The following KMT2D variants were observed in gnomAD, a reference collection of about 807,000 sequenced individuals.
KMT2D encodes lysine methyltransferase 2D.
Under a neutral mutation model 512.7 loss-of-function variants are expected in KMT2D, and 55 were observed. The observed-to-expected ratio is 0.11, with a 90% CI of 0.09 to 0.13. The LOEUF is 0.13. KMT2D is among the 10% of genes least tolerant of loss of function. The probability of loss-of-function intolerance (pLI) is 1.00; values close to 1 mark genes in which losing one functional copy is unlikely to be tolerated. For missense variants in KMT2D, 6,061 were observed against 7,127.9 expected, an observed-to-expected ratio of 0.85 and a Z score of 5.39; for synonymous variants, 2,995 against 2,904.0, an observed-to-expected ratio of 1.03 and a Z score of -1.01.
intron 9 of KMT2D, 36 bp from the exon 10 acceptor site, chr12:49,052,745 T>C: frequency 6.2e-7 from 1 of 1,606,222 alleles, no homozygotes; most frequent in Non-Finnish European, 8.5e-7. Context: ...ACTGTGGCTC[T>C]CACCAGCTAA....
In KMT2D at chr12:49,031,756, G is replaced by A. The variant is rs1942923513; in HGVS notation, c.12949C>T (p.Pro4317Ser). ...GAAGGTAATTGTGAAGGTCTCTTTG[G>A]CTCTTGAGGGCTGGATGGTGGAGGT... ...PTPPPSSPQEPKRPSQLPSPS... is the reference protein window; with the variant it reads ...PTPPPSSPQESKRPSQLPSPS... Residue 4317 changes from proline (P) to serine (S), a missense_variant, in exon 40 of 55, where the codon CCA becomes TCA. Around this residue, in one of 16 missense-constraint regions of KMT2D, gnomAD observed 1,600 missense variants for 1,754.9 expected, o/e 0.91. Transcript: ENST00000301067. 6.2e-7 allele frequency: 1 copy of A among 1,612,616 alleles called. No individual in the cohort carries two copies. Among genetic ancestry groups the A allele is most frequent in the African/African-American group, 1.3e-5 (1 of 74,886 alleles).
Position 49,034,645 on chromosome 12 carries a change from G to C in KMT2D, c.10377C>G (p.Ala3459=). 2 of 1,613,458 alleles carry C rather than the reference G, an allele frequency of 1.2e-6. No homozygotes were observed. Among genetic ancestry groups the C allele is most frequent in the Non-Finnish European group, 1.7e-6 (2 of 1,179,750 alleles). ...TGCTAGGTCCCCCCGAGAGCCTCTG[G>C]GCTAGCAGAGACACTTGCTGTCTGG... ...GMNRQQVSLL[A]QRLSGGPSSD... is the part of the protein sequence containing the mutation. Residue 3459 remains alanine, a synonymous_variant, in exon 37 of 55, where the codon GCC becomes GCG. Transcript: ENST00000301067.
chr12:49,034,620 T>C lies in KMT2D; in HGVS notation c.10402A>G (p.Ser3468Gly). 2 of 1,613,686 alleles carry C rather than the reference T, an allele frequency of 1.2e-6. No homozygotes were observed. The highest frequency in any genetic ancestry group is 2.2e-5 in the East Asian group (1 of 44,880). Residue 3468 changes from serine to glycine, a missense_variant, in exon 37 of 55, where the codon AGT becomes GGT. By Grantham distance (56) the Ser-to-Gly change is moderately conservative (BLOSUM62 0). Transcript: ENST00000301067. The stretch of plus-strand genomic sequence containing the variant: ...GCTGCCACATGGTTCTGCAGATCAC[T>C]GCTAGGTCCCCCCGAGAGCCTCTGG... ...LAQRLSGGPS[S>G]DLQNHVAAGS...
At position 49,027,337 on chromosome 12, in the gene KMT2D, C is replaced by A; in HGVS notation, c.14644-15G>T. 1 of 1,510,180 alleles carries A rather than the reference C, an allele frequency of 6.6e-7. No individual in the cohort carries two copies. The highest frequency in any genetic ancestry group is 8.8e-7 in the Non-Finnish European group (1 of 1,132,398). The allele number at this position is 1,510,180 out of a possible 1,614,324, so 93.5% of individuals were successfully genotyped here. On this transcript the variant is annotated splice_polypyrimidine_tract_variant and intron_variant, in intron 48 of 54. Coordinates refer to ENST00000301067, the MANE Select transcript of KMT2D (RefSeq NM_003482.4). ...GCGGGGCTCTCCTGTAGGAGGGTGC[C>A]CTGTATCATTAGTGCCAGCTCCTCA...
rs539033714 is a variant in KMT2D at position 49,055,914 on chromosome 12, C to A, written c.-37-553G>T. On this transcript the variant is annotated intron_variant, in intron 1 of 54. Coordinates refer to ENST00000301067, the MANE Select transcript of KMT2D (RefSeq NM_003482.4). Reference sequence around the variant, plus strand: ...CTAGCTATGGATGGATCTCCCCCACCGCCACTTGTTTCTACGAGGACATCA... The same window carrying A: ...CTAGCTATGGATGGATCTCCCCCACAGCCACTTGTTTCTACGAGGACATCA... Among the ~76,000 whole-genome samples the A allele has an allele frequency of 7.1e-4, 108 of 152,266 alleles. 4 individuals carry two copies. In the South Asian group the frequency reaches 0.021, roughly 30 times the overall value.
At chr12:49,055,796 T>C (rs1023649988) in intron 1 of KMT2D, among the ~76,000 whole-genome samples, 3 of 152,186 alleles carry the variant, frequency 2.0e-5, no homozygotes, top group African/African-American at 7.2e-5. Context: ...GGGGTAGTCA[T>C]GACCCAGGAA....
chr12:49,051,991 G>C lies in KMT2D; in HGVS notation c.1692C>G (p.Ser564=), dbSNP rs751430781. The C allele has an allele frequency of 1.2e-6, 2 of 1,613,384 alleles. No homozygotes were observed. The highest frequency in any genetic ancestry group is 3.3e-5 in the Admixed American group (2 of 59,968). Residue 564 remains serine, a synonymous_variant, in exon 11 of 55, where the codon TCC becomes TCG. Transcript: ENST00000301067. ...ACAGGCGAGATGCTTCAGGTGGCGG[G>C]GAAGTGGGCAATTCCTCAGGTGGCG... ...LSPPPEELPT[S]PPPEASRLSP...
At position 49,038,974 on chromosome 12, in the gene KMT2D, G is replaced by A. The variant is rs368967997; in HGVS notation, c.8382C>T (p.Gly2794=). The change falls in exon 35 of 55, where the codon GGC becomes GGT. Residue 2794 remains glycine (G), a synonymous_variant. Transcript: ENST00000301067. The surrounding 1 kb of genome is among the most constrained non-coding windows in gnomAD (Gnocchi z 5.7). ...GTGCTCGCTGATAGAAAGCTTGGGA[G>A]CCTCCTACCAGTTGCCTGGAAGAAT... ...MDVNSRQLVG[G]SQAFYQRAPY... is the part of the protein sequence containing the mutation. The A allele has an allele frequency of 1.3e-6, 2 of 1,551,826 alleles. No homozygotes were observed. The highest frequency in any genetic ancestry group is 2.0e-5 in the Admixed American group (1 of 51,026).
chr12:49,037,317 T>G lies in KMT2D; in HGVS notation c.10039A>C (p.Met3347Leu). ...TGCCCTTGATTGGACACCATAGCCA[T>G]GGATGGAGCCAGGCGTTGCTGGAGG... ...HALQQRLAPS[M>L]AMVSNQGHML... Residue 3347 changes from methionine to leucine, a missense_variant, in exon 35 of 55, where the codon ATG becomes CTG. Physicochemically the swap from Met to Leu is conservative, Grantham distance 15. Around this residue, in one of 16 missense-constraint regions of KMT2D, gnomAD observed 533 missense variants for 539.6 expected, o/e 0.99. Coordinates refer to ENST00000301067, the MANE Select transcript of KMT2D (RefSeq NM_003482.4). 1 of 1,613,092 alleles carries G rather than the reference T, an allele frequency of 6.2e-7. No homozygotes were observed. Among genetic ancestry groups the G allele is most frequent in the Non-Finnish European group, 8.5e-7 (1 of 1,179,678 alleles).
rs1330442423 is a variant in KMT2D at position 49,046,649 on chromosome 12, G to A, written c.4378C>T (p.Pro1460Ser). The change falls in exon 16 of 55, where the codon CCA (proline) becomes TCA (serine). Residue 1460 changes from proline (P) to serine (S), a missense_variant. By Grantham distance (74) the Pro-to-Ser change is moderately conservative. Transcript: ENST00000301067. This position sits in a 1 kb window ranked among gnomAD's most constrained non-coding sequence, Gnocchi z 4.2. Reference sequence around the variant, plus strand: ...CCGCCCTTGGGGACGGTGAGCAGTGGGGGGTCCAGGCAGTATGTGTGGTAG... The same window carrying A: ...CCGCCCTTGGGGACGGTGAGCAGTGAGGGGTCCAGGCAGTATGTGTGGTAG... ...ISYHTYCLDP[P>S]LLTVPKGGWK... is the part of the protein sequence containing the mutation. 6.2e-7 allele frequency: 1 copy of A among 1,613,726 alleles called. No homozygotes were observed. Among genetic ancestry groups the A allele is most frequent in the South Asian group, 1.1e-5 (1 of 91,068 alleles).
Position 49,034,925 on chromosome 12 carries a change from T to G in KMT2D, c.10242A>C (p.Lys3414Asn). The G allele has an allele frequency of 6.2e-7, 1 of 1,613,908 alleles. No homozygotes were observed. The highest frequency in any genetic ancestry group is 8.5e-7 in the Non-Finnish European group (1 of 1,179,862). Reference sequence around the variant, plus strand: ...GATCAATGATATCTTCTGCAGCAAATTTGTCCAGGTCTGGAGAGGGGAGAA... The same window carrying G: ...GATCAATGATATCTTCTGCAGCAAAGTTGTCCAGGTCTGGAGAGGGGAGAA... The part of the protein sequence containing the change: ...NSFFPDTDLD[K>N]FAAEDIIDPI... The change falls in exon 36 of 55, where the codon AAA (lysine) becomes AAC (asparagine). Residue 3414 changes from lysine to asparagine, a missense_variant. This residue lies in a region of KMT2D where 533 missense variants were observed against 539.6 expected (regional missense o/e 0.99). Transcript: ENST00000301067.
Position 49,055,024 on chromosome 12 carries a change from C to A in KMT2D, c.52G>T (p.Asp18Tyr), listed in dbSNP as rs749662138. ...GGGTCCTCAGAAGCTGCAGGTCCAT[C>A]AGCTGAATAAACAGACAAACAGCAT... is the stretch of plus-strand genomic sequence containing the variant. ...GEDKDSEPAA[D>Y]GPAASEDPSA... Residue 18 changes from aspartate (D) to tyrosine (Y), a missense_variant and splice_region_variant, in exon 3 of 55, where the codon GAT becomes TAT. Asp to Tyr is a radical substitution (Grantham distance 160). Coordinates refer to ENST00000301067, the MANE Select transcript of KMT2D (RefSeq NM_003482.4). 4 of 1,613,666 alleles carry A rather than the reference C, an allele frequency of 2.5e-6. No homozygotes were observed. In the Admixed American group the frequency reaches 6.7e-5, roughly 27 times the overall value.
rs1435968507 is a variant in KMT2D, at chr12:49,055,019, T to G, written c.57A>C (p.Gly19=). 2 of 1,613,822 alleles carry G rather than the reference T, an allele frequency of 1.2e-6. No homozygotes were observed. The highest frequency in any genetic ancestry group is 1.3e-5 in the African/African-American group (1 of 75,022). The change falls in exon 3 of 55, where the codon GGA becomes GGC. Residue 19 remains glycine, a synonymous_variant. Coordinates refer to ENST00000301067, the MANE Select transcript of KMT2D (RefSeq NM_003482.4). ...EDKDSEPAAD[G]PAASEDPSAT... ...CACTTGGGTCCTCAGAAGCTGCAGG[T>G]CCATCAGCTGAATAAACAGACAAAC... is the stretch of plus-strand genomic sequence containing the variant.
rs1565785145 is a variant in KMT2D, at chr12:49,037,204, G to A, written c.10152C>T (p.Thr3384=). 1.2e-6 allele frequency: 2 copies of A among 1,610,074 alleles called. No homozygotes were observed. Among genetic ancestry groups the A allele is most frequent in the Admixed American group, 3.3e-5 (2 of 59,916 alleles). ...QPVLSQKPMG[T]MPPSMCMKPQ... ...GCTTCATGCACATGGAAGGTGGCAT[G>A]GTGCCCATGGGCTTCTGTGATAGCA... Residue 3384 remains threonine (T), a synonymous_variant, in exon 35 of 55, where the codon ACC becomes ACT. Transcript: ENST00000301067.
In KMT2D at chr12:49,049,663, C is replaced by A. The variant is rs1937803737; in HGVS notation, c.3906+19G>T. On this transcript the variant is annotated intron_variant, in intron 12 of 54. Transcript: ENST00000301067. ...GTGGGCTAACTCTAATCACATCCCGCAGCTAGATAGCCCCTCACCTGTTTG... is the reference window on the plus strand; with the variant it reads ...GTGGGCTAACTCTAATCACATCCCGAAGCTAGATAGCCCCTCACCTGTTTG... 6.4e-7 allele frequency: 1 copy of A among 1,551,734 alleles called. No individual in the cohort carries two copies. Among genetic ancestry groups the A allele is most frequent in the South Asian group, 1.2e-5 (1 of 82,362 alleles).
Position 49,045,148 on chromosome 12 carries a change from A to T in KMT2D, c.4742-183T>A, listed in dbSNP as rs542303474. On this transcript the variant is annotated intron_variant, in intron 19 of 54. Coordinates refer to ENST00000301067, the MANE Select transcript of KMT2D (RefSeq NM_003482.4). ...CTGAGGCCCGAGTTCTCTGTCAGTG[A>T]CCCAGGGAGATTCAGAGAGGAACTG... 1.4e-4 allele frequency among the ~76,000 whole-genome samples: 22 copies of T among 152,302 alleles called. No individual in the cohort carries two copies. The South Asian group carries it at 3.9e-3, about 27-fold the overall frequency.
rs1943318338 is a variant in KMT2D at position 49,038,175 on chromosome 12, C to T, written c.9181G>A (p.Asp3061Asn). 6.2e-7 allele frequency: 1 copy of T among 1,613,904 alleles called. No homozygotes were observed. Among genetic ancestry groups the T allele is most frequent in the Non-Finnish European group, 8.5e-7 (1 of 1,179,896 alleles). ...TGCTCATTGAAGATATCCTTCTTGTCCCCAGTGTCCAGCTCAGGATCAGTA... is the reference window on the plus strand; with the variant it reads ...TGCTCATTGAAGATATCCTTCTTGTTCCCAGTGTCCAGCTCAGGATCAGTA... Reference protein sequence around the residue: ...AYTDPELDTGDKKDIFNEHLR... With the variant: ...AYTDPELDTGNKKDIFNEHLR... Residue 3061 changes from aspartate to asparagine, a missense_variant, in exon 35 of 55, where the codon GAC becomes AAC. Around this residue, in one of 16 missense-constraint regions of KMT2D, gnomAD observed 21 missense variants for 74.3 expected, o/e 0.28. Transcript: ENST00000301067. The surrounding 1 kb of genome is among the most constrained non-coding windows in gnomAD (Gnocchi z 5.7).
chr12:49,028,696 G>C (rs1942736272), intron 46 of KMT2D, 132 bp downstream of exon 46: 1 of 1,206,378 alleles, frequency 8.3e-7, no homozygotes, highest in Non-Finnish European at 1.2e-6. Flanking sequence ...ACAGCCTCTA[G>C]CCCAGGCTTT....
Position 49,037,476 on chromosome 12 carries a change from C to A in KMT2D, c.9880G>T (p.Ala3294Ser), listed in dbSNP as rs1943276948. Reference protein sequence around the residue: ...SLLSAPGPAQAMSLPHEGSSP... With the variant: ...SLLSAPGPAQSMSLPHEGSSP... ...GAGCCCTCATGTGGCAAAGACATGGCCTGGGCAGGGCCTGGTGCAGACAGT... is the reference window on the plus strand; with the variant it reads ...GAGCCCTCATGTGGCAAAGACATGGACTGGGCAGGGCCTGGTGCAGACAGT... Residue 3294 changes from alanine to serine, a missense_variant, in exon 35 of 55, where the codon GCC becomes TCC. Physicochemically the swap from Ala to Ser is moderately conservative, Grantham distance 99. Coordinates refer to ENST00000301067, the MANE Select transcript of KMT2D (RefSeq NM_003482.4). 1 of 1,563,944 alleles carries A rather than the reference C, an allele frequency of 6.4e-7. No homozygotes were observed. Among genetic ancestry groups the A allele is most frequent in the Non-Finnish European group, 8.7e-7 (1 of 1,154,156 alleles).
Sources: gnomAD v4.1 joint callset for allele counts (sites outside exome capture counted in the v4.1 genomes callset) on GRCh38, gnomAD v4.1.1 for gene constraint, gnomAD v4.1.1 regional missense constraint, Gnocchi (gnomAD v3.1) non-coding constraint, MANE v1.5 for transcripts, NCBI Gene and HGNC (gene_info 2026-07-23, HGNC 2026-07-21) for gene names.